CALCR: variants seen among roughly 807,000 people sequenced by gnomAD.
CALCR encodes calcitonin receptor.
In CALCR, 47 loss-of-function variants were observed where a neutral mutation model predicts 59.5. The ratio of observed to expected loss-of-function variants is 0.79; its 90% CI spans 0.63 to 1.01. CALCR has a LOEUF of 1.01. Ranked by LOEUF, CALCR falls within the 50% of genes least tolerant of loss-of-function variation. The probability of loss-of-function intolerance (pLI) is 0.00; values close to 1 mark genes in which losing one functional copy is unlikely to be tolerated. For synonymous variants in CALCR, 213 were observed against 211.3 expected (o/e 1.01, Z -0.07); for missense variants, 566 against 597.1 (o/e 0.95, Z 0.54).
intron 3 of CALCR, among the ~76,000 whole-genome samples, chr7:93,479,997 C>T (rs1174158133): frequency 4.0e-5 from 6 of 151,812 alleles, no homozygotes; most frequent in Non-Finnish European, 8.8e-5. Flanking sequence ...AAATTTATCC[C>T]ATCTATTCCA....
chr7:93,549,191 G>T (rs1344369037), intron 2 of CALCR, among the ~76,000 whole-genome samples: 1 of 152,076 alleles, frequency 6.6e-6, no homozygotes, highest in Admixed American at 6.6e-5. Context: ...GGAGGGGTTG[G>T]ATAATCACCA....
intron 2 of CALCR, among the ~76,000 whole-genome samples, chr7:93,513,589 A>G (rs975633864): frequency 6.6e-6 from 1 of 151,990 alleles, no homozygotes; most frequent in African/African-American, 2.4e-5. Context: ...GCATCGTGGA[A>G]TGAGTAAGCT....
intron 2 of CALCR, among the ~76,000 whole-genome samples, chr7:93,528,389 T>C (rs940348135): frequency 3.9e-5 from 6 of 152,202 alleles, no homozygotes; most frequent in African/African-American, 1.4e-4. Flanking sequence ...TAACTCGTCA[T>C]TTACATTAGG....
chr7:93,542,565 ATTTT>A (rs1326128084), intron 2 of CALCR, among the ~76,000 whole-genome samples: 1 of 152,054 alleles, frequency 6.6e-6, no homozygotes, highest in Admixed American at 6.6e-5. Context: ...TATGAAAAAA[ATTTT>A]TCTTTCTCCA....
At chr7:93,443,520 C>A in intron 9 of CALCR, 84 bp downstream of exon 9, 2 of 1,342,348 alleles carry the variant, frequency 1.5e-6, no homozygotes, top group East Asian at 4.6e-5. Context: ...TGACTCTATT[C>A]TCTGAGACCA....
At chr7:93,445,946 G>A (rs1165478944) in intron 8 of CALCR, among the ~76,000 whole-genome samples, 1 of 151,974 alleles carries the variant, frequency 6.6e-6, no homozygotes, top group South Asian at 2.1e-4. Flanking sequence ...AAGGACATTT[G>A]TTCGTAGTAT....
chr7:93,557,240 A>G (rs1789631354), intron 2 of CALCR, among the ~76,000 whole-genome samples: 1 of 152,020 alleles, frequency 6.6e-6, no homozygotes, highest in Non-Finnish European at 1.5e-5. Flanking sequence ...AGATAATAAG[A>G]GTACACATCT....
intron 2 of CALCR, among the ~76,000 whole-genome samples, chr7:93,510,574 G>A (rs1381297883): frequency 6.6e-6 from 1 of 152,106 alleles, no homozygotes; most frequent in Non-Finnish European, 1.5e-5. Context: ...GAGATGAGGG[G>A]TCTCTAAAGA....
chr7:93,546,625 C>G (rs1031646493), intron 2 of CALCR, among the ~76,000 whole-genome samples: 7 of 150,722 alleles, frequency 4.6e-5, no homozygotes, highest in Non-Finnish European at 1.0e-4. Flanking sequence ...GATCACAGCT[C>G]ACTGCAGCCT....
intron 2 of CALCR, among the ~76,000 whole-genome samples, chr7:93,518,476 C>A (rs1801691681): frequency 6.6e-6 from 1 of 151,794 alleles, no homozygotes; most frequent in South Asian, 2.1e-4. Context: ...GTTTTCCCAC[C>A]TGTTAGCTTA....
chr7:93,508,337 C>G (rs1334323888), intron 2 of CALCR, among the ~76,000 whole-genome samples: 1 of 152,188 alleles, frequency 6.6e-6, no homozygotes. Context: ...GTTGGGCATA[C>G]TACACTCTCA....
chr7:93,568,509 TTC>T (rs4015269), intron 2 of CALCR, among the ~76,000 whole-genome samples: 1,825 of 102,216 alleles, frequency 0.018, 22 homozygotes, highest in African/African-American at 0.031. Context: ...TAAAATTACT[TTC>T]TCTCTCTCTC....
intron 8 of CALCR, among the ~76,000 whole-genome samples, chr7:93,460,524 C>T (rs1264790633): frequency 7.3e-6 from 1 of 136,552 alleles, no homozygotes; most frequent in African/African-American, 2.9e-5. Flanking sequence ...CCACTGCACT[C>T]CAGCCTGGGC....
chr7:93,456,907 A>G (rs1342389676), intron 8 of CALCR, among the ~76,000 whole-genome samples: 3 of 152,090 alleles, frequency 2.0e-5, no homozygotes, highest in African/African-American at 7.2e-5. Context: ...TCACACTCAT[A>G]TTCTCCTAGG....
intron 2 of CALCR, among the ~76,000 whole-genome samples, chr7:93,535,784 G>A (rs1788969343): frequency 6.6e-6 from 1 of 151,668 alleles, no homozygotes; most frequent in Non-Finnish European, 1.5e-5. Flanking sequence ...CTAAGAGATG[G>A]TGATGACTTC....
chr7:93,449,002 A>C (rs2188804), intron 8 of CALCR, among the ~76,000 whole-genome samples: 97,959 of 151,780 alleles, frequency 0.65, 32,694 homozygotes, highest in African/African-American at 0.82. Flanking sequence ...AAACCACATT[A>C]CCCACTATAC....
intron 5 of CALCR, among the ~76,000 whole-genome samples, chr7:93,474,069 T>C (rs1800613646): frequency 6.6e-6 from 1 of 151,700 alleles, no homozygotes; most frequent in East Asian, 1.9e-4. Context: ...TAACTTAAAA[T>C]ATACCAGACC....
intron 2 of CALCR, among the ~76,000 whole-genome samples, chr7:93,525,691 T>C (rs1389009319): frequency 6.6e-6 from 1 of 152,206 alleles, no homozygotes. Flanking sequence ...AACAGTCAGT[T>C]AGAAACCAGA....
At chr7:93,570,079 G>C (rs1038755096) in intron 2 of CALCR, among the ~76,000 whole-genome samples, 6 of 152,066 alleles carry the variant, frequency 3.9e-5, no homozygotes, top group Non-Finnish European at 5.9e-5. Flanking sequence ...TGTAACTACA[G>C]CTTCAGAACT....
Sources: allele counts gnomAD v4.1 joint callset (sites outside exome capture counted in the v4.1 genomes callset), GRCh38; gene constraint gnomAD v4.1.1; transcripts MANE v1.5; gene names NCBI Gene and HGNC (gene_info 2026-07-23, HGNC 2026-07-21).